SNX4: variants seen among roughly 807,000 people sequenced by gnomAD.
The protein encoded by SNX4 is sorting nexin-4.
Under a neutral mutation model 70.8 loss-of-function variants are expected in SNX4, and 49 were observed. The observed-to-expected ratio is 0.69, with a 90% CI of 0.55 to 0.88. The LOEUF is 0.88. Ranked by LOEUF, SNX4 falls within the 40% of genes least tolerant of loss-of-function variation. The pLI is 0.00. For synonymous variants in SNX4, 206 were observed against 183.8 expected, an observed-to-expected ratio of 1.12 and a Z score of -0.98; for missense variants, 528 against 544.8, an observed-to-expected ratio of 0.97 and a Z score of 0.31.
At chr3:125,509,452 C>T (rs891628493) in intron 1 of SNX4, among the ~76,000 whole-genome samples, 3 of 151,784 alleles carry the variant, frequency 2.0e-5, no homozygotes, top group African/African-American at 7.2e-5. Flanking sequence ...AACTCAACAA[C>T]AAAATACAAC....
chr3:125,473,615 A>G (rs1255493338), intron 8 of SNX4, among the ~76,000 whole-genome samples: 1 of 152,072 alleles, frequency 6.6e-6, no homozygotes, highest in Non-Finnish European at 1.5e-5. Flanking sequence ...AGGTTTCACC[A>G]TATTGGCCAG....
At chr3:125,455,959 G>A (rs1405739375) in intron 11 of SNX4, among the ~76,000 whole-genome samples, 2 of 152,132 alleles carry the variant, frequency 1.3e-5, no homozygotes, top group Admixed American at 1.3e-4. Flanking sequence ...GGAGCTTGCA[G>A]TGAGCCACAC....
At chr3:125,489,842 A>G (rs1012972735) in intron 5 of SNX4, among the ~76,000 whole-genome samples, 27 of 152,220 alleles carry the variant, frequency 1.8e-4, no homozygotes, top group African/African-American at 6.3e-4. Flanking sequence ...TACTGCTTTC[A>G]TGGCCGGGCA....
At chr3:125,495,205 C>T (rs1020267296) in intron 5 of SNX4, among the ~76,000 whole-genome samples, 3 of 138,050 alleles carry the variant, frequency 2.2e-5, no homozygotes, top group African/African-American at 7.8e-5. Context: ...AACTGCCAAA[C>T]ATATGACCTC....
At chr3:125,458,814 C>CAAAAAAAAAAAAAAAAAAAAAAAAAAAA (rs71148180) in intron 10 of SNX4, among the ~76,000 whole-genome samples, 1 of 64,496 alleles carries the variant, frequency 1.6e-5, no homozygotes. Context: ...GACTCCGTCT[C>CAAAAAAAAAAAAAAAAAAAAAAAAAAAA]AAAAAAAAAA....
At position 125,458,731 on chromosome 3, in the gene SNX4, G is replaced by A. The variant is rs1342741459; in HGVS notation, c.945-1366C>T. Among the ~76,000 whole-genome samples the A allele has an allele frequency of 3.6e-5, 5 of 138,228 alleles. No homozygotes were observed. The South Asian group carries it at 9.4e-4, about 26-fold the overall frequency. The allele number at this position is 138,228 out of a possible 152,430, so 90.7% of individuals were successfully genotyped here. A position where few individuals can be genotyped will look rare whatever the true frequency, so the allele number is the denominator to read the frequency against. On this transcript the variant is annotated intron_variant, in intron 10 of 13. Coordinates refer to ENST00000251775, the MANE Select transcript of SNX4 (RefSeq NM_003794.4). ...CGGGAGGCTGAAGCAGGAGAATGGCGTGAATCCCGGGGGGCGGAGCCTGCA... is the reference window on the plus strand; with the variant it reads ...CGGGAGGCTGAAGCAGGAGAATGGCATGAATCCCGGGGGGCGGAGCCTGCA...
At chr3:125,457,534 G>A (rs1933753892) in intron 10 of SNX4, among the ~76,000 whole-genome samples, 169 bp from the exon 11 acceptor site, 1 of 150,414 alleles carries the variant, frequency 6.6e-6, no homozygotes, top group South Asian at 2.1e-4. Flanking sequence ...GAATCTAATG[G>A]AATCTAGCAG....
chr3:125,489,521 C>T (rs1934604666), intron 5 of SNX4, 58 bp from the exon 6 acceptor site: 2 of 1,361,186 alleles, frequency 1.5e-6, no homozygotes, highest in Non-Finnish European at 2.1e-6. Flanking sequence ...AAAATTCAAA[C>T]AATTTTACTT....
intron 8 of SNX4, among the ~76,000 whole-genome samples, chr3:125,471,343 T>TCAAAA (rs1559814045): frequency 9.6e-5 from 1 of 10,424 alleles, no homozygotes; most frequent in African/African-American, 1.0e-3. Flanking sequence ...AAGCTCCATC[T>TCAAAA]CAAAAAAAAA....
intron 1 of SNX4, among the ~76,000 whole-genome samples, chr3:125,519,753 G>GC (rs923621803): frequency 1.7e-4 from 26 of 151,728 alleles, no homozygotes; most frequent in East Asian, 3.9e-4. Flanking sequence ...CTGCGGGGGC[G>GC]CCCCCCCGGG....
chr3:125,461,023 C>T (rs1205558580), intron 9 of SNX4, among the ~76,000 whole-genome samples, 163 bp from the exon 10 acceptor site: 1 of 152,080 alleles, frequency 6.6e-6, no homozygotes, highest in Non-Finnish European at 1.5e-5. Context: ...GTCAGGAGTT[C>T]GAGACCAGCC....
In SNX4 at chr3:125,510,379, C is replaced by T. The variant is rs891190196; in HGVS notation, c.142-5635G>A. On this transcript the variant is annotated intron_variant, in intron 1 of 13. Transcript: ENST00000251775. ...CCGAGAAGCTGGGACTACAGGCGCC[C>T]GCCACACGCCCGGCTATTTTTTTGT... Among the ~76,000 whole-genome samples the T allele has an allele frequency of 4.6e-5, 7 of 151,962 alleles. No individual in the cohort carries two copies. The South Asian group carries it at 6.3e-4, about 14-fold the overall frequency.
At chr3:125,510,131 C>A (rs1261350732) in intron 1 of SNX4, among the ~76,000 whole-genome samples, 1 of 152,074 alleles carries the variant, frequency 6.6e-6, no homozygotes, top group Non-Finnish European at 1.5e-5. Context: ...GAATTAAAAG[C>A]AGGGTCTCAA....
At position 125,477,696 on chromosome 3, in the gene SNX4, AGTAGGT is replaced by A. The variant is rs1333446075; in HGVS notation, c.727-946_727-941del. ...CAGAACCGCCACTGCAAATACTTCA[AGTAGGT>A]GTATGAGGATCATAAAATGTTTTCC... On this transcript the variant is annotated intron_variant, in intron 7 of 13. Coordinates refer to ENST00000251775, the MANE Select transcript of SNX4 (RefSeq NM_003794.4). Among the ~76,000 whole-genome samples, 8 of 152,324 alleles carry A rather than the reference AGTAGGT, an allele frequency of 5.3e-5. No individual in the cohort carries two copies. In the East Asian group the frequency reaches 1.5e-3, roughly 29 times the overall value.
chr3:125,457,333 T>C lies in SNX4; in HGVS notation c.977A>G (p.Tyr326Cys), dbSNP rs1315318930. The C allele has an allele frequency of 1.2e-6, 2 of 1,613,904 alleles. No homozygotes were observed. Among genetic ancestry groups the C allele is most frequent in the East Asian group, 4.5e-5 (2 of 44,886 alleles). Residue 326 changes from tyrosine to cysteine, a missense_variant, in exon 11 of 14, where the codon TAT becomes TGT. This residue lies in a region of SNX4 where 159 missense variants were observed against 172.6 expected (regional missense o/e 0.92). Coordinates refer to ENST00000251775, the MANE Select transcript of SNX4 (RefSeq NM_003794.4). Reference protein sequence around the residue: ...AVCRKHELMQYDLEMAAQDLA... With the variant: ...AVCRKHELMQCDLEMAAQDLA... ...GTCCTGAGCAGCCATCTCCAAGTCA[T>C]ACTGCATAAGTTCATGTTTCCTGCA...
chr3:125,460,868 A>G lies in SNX4; in HGVS notation c.855-8T>C, dbSNP rs752476496. 3 of 869,404 alleles carry G rather than the reference A, an allele frequency of 3.5e-6. No individual in the cohort carries two copies. Among genetic ancestry groups the G allele is most frequent in the Non-Finnish European group, 4.8e-6 (3 of 622,672 alleles). 53.9% of individuals were successfully genotyped at this position (869,404 alleles called of 1,614,324 possible). Reference sequence around the variant, plus strand: ...TCAATAGAAGATGCATACCTGTTTTAAAAAAAAAAACACACATTGCATAGA... The same window carrying G: ...TCAATAGAAGATGCATACCTGTTTTGAAAAAAAAAACACACATTGCATAGA... On this transcript the variant is annotated splice_polypyrimidine_tract_variant and splice_region_variant and intron_variant, in intron 9 of 13. Transcript: ENST00000251775.
At chr3:125,491,829 C>T (rs1934665748) in intron 5 of SNX4, among the ~76,000 whole-genome samples, 1 of 152,132 alleles carries the variant, frequency 6.6e-6, no homozygotes, top group South Asian at 2.1e-4. Context: ...GAGCCATAAG[C>T]CGGGCACGGT....
chr3:125,449,712 A>T (rs1933526518), intron 13 of SNX4, among the ~76,000 whole-genome samples: 1 of 150,880 alleles, frequency 6.6e-6, no homozygotes, highest in Non-Finnish European at 1.5e-5. Context: ...CAGCTATAGT[A>T]GTATCTTTTA....
At chr3:125,469,912 G>A (rs935067366) in intron 8 of SNX4, among the ~76,000 whole-genome samples, 1 of 152,136 alleles carries the variant, frequency 6.6e-6, no homozygotes, top group Non-Finnish European at 1.5e-5. Context: ...AATACTCCAT[G>A]TACGGCTCTG....
Sources: gnomAD v4.1 joint callset for allele counts (sites outside exome capture counted in the v4.1 genomes callset) on GRCh38, gnomAD v4.1.1 for gene constraint, gnomAD v4.1.1 regional missense constraint, MANE v1.5 for transcripts, NCBI Gene and HGNC (gene_info 2026-07-23, HGNC 2026-07-21) for gene names.